Variants in ADGRG4 observed in about 807,000 individuals in gnomAD.
The protein encoded by ADGRG4 is adhesion G protein-coupled receptor G4.
ADGRG4 carries 122 observed loss-of-function variants against 126.2 expected under a neutral mutation model. That is an observed-to-expected ratio of 0.97 (90% confidence interval 0.83 to 1.12). ADGRG4 has a LOEUF of 1.12. Among genes scored for constraint, ADGRG4 ranks in the 50% most tolerant of loss-of-function variants. The pLI, the probability that ADGRG4 is intolerant of heterozygous loss-of-function variation, is 0.00. For missense variants in ADGRG4, 2,481 were observed against 2,251.8 expected (o/e 1.10, Z -2.06); for synonymous variants, 943 against 838.7 (o/e 1.12, Z -2.15).
rs778765755 is a variant in ADGRG4 at position 136,392,318 on chromosome X, A to G, written c.7998A>G (p.Pro2666=). ...DDMFIQNLAD[P]VVITLQHIGG... The stretch of plus-strand genomic sequence containing the variant: ...TGTTCATTCAAAACTTAGCTGACCC[A>G]GTGGTTATCACTCTGCAGCATATTG... The change falls in exon 17 of 26, where the codon CCA becomes CCG. Residue 2666 remains proline (P), a synonymous_variant. Coordinates refer to ENST00000394143, the MANE Select transcript of ADGRG4 (RefSeq NM_153834.4). 1 of 1,183,857 alleles carries G rather than the reference A, an allele frequency of 8.4e-7. No homozygotes were observed. The highest frequency in any genetic ancestry group is 1.1e-6 in the Non-Finnish European group (1 of 877,835).
chrX:136,382,248 A>C (rs1035732592), intron 15 of ADGRG4, among the ~76,000 whole-genome samples: 1 of 111,877 alleles, frequency 8.9e-6, no homozygotes, highest in Admixed American at 9.5e-5. Flanking sequence ...CAAATCCCCA[A>C]CACAAATACT....
In ADGRG4 at chrX:136,349,740, T is replaced by C. The variant is rs781376314; in HGVS notation, c.6034T>C (p.Ser2012Pro). ...SKSPILTWLL[S>P]SLPSGSPPAT... ...GTCACCCATTCTGACATGGCTCTTA[T>C]CTAGTCTCCCTTCTGGCTCCCCTCC... Residue 2012 changes from serine (S) to proline (P), a missense_variant, in exon 6 of 26, where the codon TCT becomes CCT. Transcript: ENST00000394143. The C allele has an allele frequency of 9.1e-6, 11 of 1,207,789 alleles. No individual in the cohort carries two copies. The African/African-American group carries it at 1.4e-4, about 15-fold the overall frequency.
At chrX:136,393,467 T>C (rs375811214) in intron 17 of ADGRG4, 68 bp from the exon 18 acceptor site, 450 of 889,537 alleles carry the variant, frequency 5.1e-4, no homozygotes, top group Non-Finnish European at 6.7e-4. Context: ...AAAACACTTA[T>C]GTGTATATGT....
At position 136,348,234 on chromosome X, in the gene ADGRG4, A is replaced by G; in HGVS notation, c.4528A>G (p.Ile1510Val). The G allele has an allele frequency of 3.3e-6, 4 of 1,210,537 alleles. No homozygotes were observed. The South Asian group carries it at 7.0e-5, about 21-fold the overall frequency. ...ATCCTCTATGGCAACGTCCACTCCT[A>G]TTTACCAGATGTCCTCATTGCCAGT... ...RESSMATSTP[I>V]YQMSSLPVNV... Residue 1510 changes from isoleucine to valine, a missense_variant, in exon 6 of 26, where the codon ATT becomes GTT. Coordinates refer to ENST00000394143, the MANE Select transcript of ADGRG4 (RefSeq NM_153834.4).
chrX:136,358,446 C>T (rs2075108031), intron 10 of ADGRG4, among the ~76,000 whole-genome samples: 1 of 111,708 alleles, frequency 9.0e-6, no homozygotes, highest in South Asian at 3.7e-4. Flanking sequence ...TGGCAGGAAA[C>T]TTAGCAAATA....
chrX:136,326,569 G>T (rs5929752), intron 5 of ADGRG4, among the ~76,000 whole-genome samples: 4 of 110,209 alleles, frequency 3.6e-5, no homozygotes, highest in African/African-American at 1.3e-4. Flanking sequence ...TGTCTTAGAA[G>T]CTTCCTTTGG....
intron 20 of ADGRG4, 149 bp downstream of exon 20, chrX:136,398,151 T>A (rs1051749684): frequency 2.1e-5 from 9 of 424,210 alleles, no homozygotes; most frequent in Non-Finnish European, 3.4e-5. Context: ...AAACAAAACA[T>A]CAAGGCTTCT....
Position 136,381,595 on chromosome X carries a change from T to C in ADGRG4, c.7777-6145T>C, listed in dbSNP as rs974083196. On this transcript the variant is annotated intron_variant, in intron 15 of 25. Transcript: ENST00000394143. ...TGGTCACAGAATATACTTAGTATAA[T>C]TTCAATCCATTTACATTTGTTGAAA... Among the ~76,000 whole-genome samples, 77 of 111,436 alleles carry C rather than the reference T, an allele frequency of 6.9e-4. 1 individual carries two copies. The highest frequency in any genetic ancestry group is 1.1e-3 in the Non-Finnish European group (59 of 53,181).
intron 4 of ADGRG4, among the ~76,000 whole-genome samples, chrX:136,319,204 G>T (rs946962624): frequency 4.4e-4 from 49 of 112,604 alleles, no homozygotes; most frequent in African/African-American, 1.4e-3. Context: ...GGCCTCCTCA[G>T]AGCCCTGCTG....
In ADGRG4 at chrX:136,347,316, A is replaced by C. The variant is rs143441217; in HGVS notation, c.3610A>C (p.Thr1204Pro). 13 of 1,210,599 alleles carry C rather than the reference A, an allele frequency of 1.1e-5. No individual in the cohort carries two copies. Among genetic ancestry groups the C allele is most frequent in the Non-Finnish European group, 1.3e-5 (12 of 894,611 alleles). ...AGTTGTTGCCAGCTTGGCTACTGGC[A>C]CCACAGAGACCTCTGTTGTTGATGA... ...GGVVASLATG[T>P]TETSVVDETT... The change falls in exon 6 of 26, where the codon ACC (threonine) becomes CCC (proline). Residue 1204 changes from threonine (T) to proline (P), a missense_variant. Thr to Pro is a conservative substitution (Grantham distance 38, BLOSUM62 -1). Transcript: ENST00000394143.
chrX:136,393,559 T>G lies in ADGRG4; in HGVS notation c.8059T>G (p.Phe2687Val). 8.3e-7 allele frequency: 1 copy of G among 1,202,094 alleles called. No homozygotes were observed. The highest frequency in any genetic ancestry group is 1.8e-5 in the South Asian group (1 of 56,199). ...NQNYGQVHCA[F>V]WDFENNNGLG... is the part of the protein sequence containing the mutation. ...GAATTATGGTCAAGTTCACTGTGCC[T>G]TTTGGGATTTTGAGAATAATAGTAA... Residue 2687 changes from phenylalanine (F) to valine (V), a missense_variant, in exon 18 of 26, where the codon TTT (phenylalanine) becomes GTT (valine). By Grantham distance (50) the Phe-to-Val change is conservative. Transcript: ENST00000394143.
intron 15 of ADGRG4, 26 bp downstream of exon 15, chrX:136,373,090 G>T: frequency 1.7e-6 from 2 of 1,153,437 alleles, no homozygotes; most frequent in Non-Finnish European, 2.3e-6. Context: ...GGAACTGAGA[G>T]CCAATCAGCC....
rs758192451 is a variant in ADGRG4 at position 136,330,108 on chromosome X, T to C, written c.685+6716T>C. Among the ~76,000 whole-genome samples the C allele has an allele frequency of 5.4e-5, 6 of 111,026 alleles. No individual in the cohort carries two copies. In the South Asian group the frequency reaches 2.3e-3, roughly 42 times the overall value. The stretch of plus-strand genomic sequence containing the variant: ...CTTACTCAGGTTTCTCTAGTTTTTA[T>C]TATATTCATTTATGTCTGTGTATTA... On this transcript the variant is annotated intron_variant, in intron 5 of 25. Coordinates refer to ENST00000394143, the MANE Select transcript of ADGRG4 (RefSeq NM_153834.4).
chrX:136,332,855 T>G (rs1156926035), intron 5 of ADGRG4, among the ~76,000 whole-genome samples: 1 of 107,557 alleles, frequency 9.3e-6, no homozygotes, highest in Non-Finnish European at 1.9e-5. Context: ...ATGGGGTTGT[T>G]TGTTTTTTTC....
chrX:136,359,860 C>T (rs1448182750), intron 11 of ADGRG4, among the ~76,000 whole-genome samples: 3 of 111,829 alleles, frequency 2.7e-5, no homozygotes, highest in Non-Finnish European at 5.6e-5. Context: ...GGAACTGTCC[C>T]AGATTTCTCT....
At chrX:136,354,302 G>C (rs746685772) in intron 8 of ADGRG4, among the ~76,000 whole-genome samples, 1 of 111,507 alleles carries the variant, frequency 9.0e-6, no homozygotes, top group African/African-American at 3.3e-5. Flanking sequence ...TCACAGTTCC[G>C]GAGGCTGGGA....
In ADGRG4 at chrX:136,345,892, C is replaced by A; in HGVS notation, c.2186C>A (p.Ser729Tyr). The A allele has an allele frequency of 8.3e-7, 1 of 1,209,272 alleles. No individual in the cohort carries two copies. Among genetic ancestry groups the A allele is most frequent in the African/African-American group, 1.7e-5 (1 of 57,781 alleles). ...ATTARYTTAV[S>Y]KLTSPWFANF... is the part of the protein sequence containing the mutation. ...ACAGCCAGATATACAACAGCTGTAT[C>A]CAAATTGACATCACCATGGTTTGCT... The change falls in exon 6 of 26, where the codon TCC becomes TAC. Residue 729 changes from serine (S) to tyrosine (Y), a missense_variant. Transcript: ENST00000394143.
At chrX:136,325,615 G>A (rs140087793) in intron 5 of ADGRG4, among the ~76,000 whole-genome samples, 1,359 of 111,193 alleles carry the variant, frequency 0.012, 24 homozygotes, top group African/African-American at 0.041. Context: ...CCAGCGAATG[G>A]CCATGAGTTT....
At chrX:136,354,124 G>T (rs1206925338) in intron 8 of ADGRG4, among the ~76,000 whole-genome samples, 1 of 112,176 alleles carries the variant, frequency 8.9e-6, no homozygotes, top group African/African-American at 3.2e-5. Flanking sequence ...ACATATCCAA[G>T]TATTAATTAT....
Sources: gnomAD v4.1 joint callset for allele counts (sites outside exome capture counted in the v4.1 genomes callset) on GRCh38, gnomAD v4.1.1 for gene constraint, MANE v1.5 for transcripts, NCBI Gene and HGNC (gene_info 2026-07-23, HGNC 2026-07-21) for gene names.